The following USP43 variants were observed in gnomAD, a reference collection of about 807,000 sequenced individuals.
USP43 encodes ubiquitin specific peptidase 43.
Under a neutral mutation model 90.7 loss-of-function variants are expected in USP43, and 33 were observed. The ratio of observed to expected loss-of-function variants is 0.36; its 90% CI spans 0.28 to 0.49. USP43 has a LOEUF of 0.49. Among genes scored for constraint, USP43 ranks in the 20% least tolerant of loss-of-function variants. The probability of loss-of-function intolerance (pLI) is 0.98; values close to 1 mark genes in which losing one functional copy is unlikely to be tolerated. For synonymous variants in USP43, 598 were observed against 615.8 expected (o/e 0.97, Z 0.43); for missense variants, 1,274 against 1,476.4 (o/e 0.86, Z 2.25).
intron 7 of USP43, 85 bp downstream of exon 7, chr17:9,683,043 A>G: frequency 2.0e-6 from 3 of 1,501,806 alleles, no homozygotes; most frequent in Non-Finnish European, 2.7e-6. Flanking sequence ...AAAATTAAAC[A>G]TTTATTCCCA....
Position 9,656,496 on chromosome 17 carries a change from G to A in USP43, c.598G>A (p.Asp200Asn), listed in dbSNP as rs1912259661. 1 of 1,611,100 alleles carries A rather than the reference G, an allele frequency of 6.2e-7. No individual in the cohort carries two copies. Among genetic ancestry groups the A allele is most frequent in the Non-Finnish European group, 8.5e-7 (1 of 1,178,802 alleles). Residue 200 changes from aspartate (D) to asparagine (N), a missense_variant, in exon 2 of 15, where the codon GAC becomes AAC. Coordinates refer to ENST00000285199, the MANE Select transcript of USP43 (RefSeq NM_153210.5). Reference sequence around the variant, plus strand: ...CTGGTTGCTGGATCGTGTACATGAGGACCTGGAGGGTTCATCCCGAGGGCC... The same window carrying A: ...CTGGTTGCTGGATCGTGTACATGAGAACCTGGAGGGTTCATCCCGAGGGCC... ...LLWLLDRVHE[D>N]LEGSSRGPVS...
In USP43 at chr17:9,676,887, A is replaced by T. The variant is rs1188617560; in HGVS notation, c.969+6A>T. ...GAGGCGTCCCTGCAGATGAGGTGTG[A>T]TAGAATTGCACTGGGGCCTGGTCAT... is the stretch of plus-strand genomic sequence containing the variant. On this transcript the variant is annotated splice_donor_region_variant and intron_variant, in intron 5 of 14. Coordinates refer to ENST00000285199, the MANE Select transcript of USP43 (RefSeq NM_153210.5). 6.2e-7 allele frequency: 1 copy of T among 1,612,946 alleles called. No individual in the cohort carries two copies. Among genetic ancestry groups the T allele is most frequent in the South Asian group, 1.1e-5 (1 of 90,904 alleles).
rs768000724 is a variant in USP43 at position 9,728,282 on chromosome 17, C to T, written c.2664C>T (p.Ala888=). 5.1e-5 allele frequency: 83 copies of T among 1,613,274 alleles called. No homozygotes were observed. Among genetic ancestry groups the T allele is most frequent in the East Asian group, 1.3e-4 (6 of 44,864 alleles). ...GGCGGGCCATTGAAAGAGGTCCAGC[C>T]GGGGTGCCCTGTCCCTCGGCTCAAC... is the stretch of plus-strand genomic sequence containing the variant. ...DGGRAIERGP[A]GVPCPSAQPN... The change falls in exon 15 of 15, where the codon GCC becomes GCT. Residue 888 remains alanine (A), a synonymous_variant. Transcript: ENST00000285199. The surrounding 1 kb of genome is among the most constrained non-coding windows in gnomAD (Gnocchi z 6.2).
Position 9,728,599 on chromosome 17 carries a change from G to A in USP43, c.2981G>A (p.Gly994Glu). ...TCTGAGCTAGACAGACCCCTGCAGG[G>A]GACACTCACCCTTCTGAGGTCCGTG... The part of the protein sequence containing the change: ...GTSELDRPLQ[G>E]TLTLLRSVFR... Residue 994 changes from glycine (G) to glutamate (E), a missense_variant, in exon 15 of 15, where the codon GGG becomes GAG. Around this residue, in one of 6 missense-constraint regions of USP43, gnomAD observed 353 missense variants for 329.7 expected, o/e 1.07. Transcript: ENST00000285199. The surrounding 1 kb of genome is among the most constrained non-coding windows in gnomAD (Gnocchi z 6.2). 6.2e-7 allele frequency: 1 copy of A among 1,613,882 alleles called. No homozygotes were observed. Among genetic ancestry groups the A allele is most frequent in the East Asian group, 2.2e-5 (1 of 44,868 alleles).
At chr17:9,689,207 C>G (rs1914780081) in intron 8 of USP43, among the ~76,000 whole-genome samples, 1 of 152,066 alleles carries the variant, frequency 6.6e-6, no homozygotes, top group Non-Finnish European at 1.5e-5. Context: ...ATATTAAATA[C>G]TGGTTCAAAT....
At chr17:9,669,691 G>A (rs948039041) in intron 3 of USP43, 7 of 152,272 alleles carry the variant, frequency 4.6e-5, no homozygotes, top group East Asian at 1.9e-4. Flanking sequence ...TCCATAAGGC[G>A]GGCAGGGACT....
chr17:9,686,134 A>T lies in USP43; in HGVS notation c.1242-664A>T, dbSNP rs1914587091. 6.6e-6 allele frequency among the ~76,000 whole-genome samples: 1 copy of T among 152,070 alleles called. No homozygotes were observed. Among genetic ancestry groups the T allele is most frequent in the African/African-American group, 2.4e-5 (1 of 41,400 alleles). ...CATCCATCTTGCCGCAAACAACAGG[A>T]TTTCATTTCTTTTTTATGGGTGCAT... is the stretch of plus-strand genomic sequence containing the variant. On this transcript the variant is annotated intron_variant, in intron 7 of 14. Transcript: ENST00000285199. The surrounding 1 kb of genome is among the most constrained non-coding windows in gnomAD (Gnocchi z 5.5).
Position 9,645,869 on chromosome 17 carries a change from C to A in USP43, c.237C>A (p.Arg79=). The A allele has an allele frequency of 7.0e-7, 1 of 1,424,750 alleles. No individual in the cohort carries two copies. Among genetic ancestry groups the A allele is most frequent in the Non-Finnish European group, 9.1e-7 (1 of 1,095,696 alleles). 88.3% of individuals were successfully genotyped at this position (1,424,750 alleles called of 1,614,324 possible). Residue 79 remains arginine (R), a synonymous_variant, in exon 1 of 15, where the codon CGC becomes CGA. Coordinates refer to ENST00000285199, the MANE Select transcript of USP43 (RefSeq NM_153210.5). The surrounding 1 kb of genome is among the most constrained non-coding windows in gnomAD (Gnocchi z 6.8). ...PAAPGSPGEE[R]PPGPQPQLQL... ...CCCCCGGGAGCCCCGGGGAGGAACG[C>A]CCGCCCGGACCCCAGCCCCAGCTCC...
At chr17:9,669,501 C>T (rs9905240) in intron 3 of USP43, among the ~76,000 whole-genome samples, 2,842 of 152,266 alleles carry the variant, frequency 0.019, 74 homozygotes, top group African/African-American at 0.056. Context: ...ATATTTCATT[C>T]ATGCCCTACT....
rs564850116 is a variant in USP43 at position 9,645,607 on chromosome 17, C to T, written c.-26C>T. On this transcript the variant is annotated 5_prime_UTR_variant, in exon 1 of 15. Coordinates refer to ENST00000285199, the MANE Select transcript of USP43 (RefSeq NM_153210.5). This position sits in a 1 kb window ranked among gnomAD's most constrained non-coding sequence, Gnocchi z 6.8. ...GTCCGCCTCGCGCCCGGGGGCTCCG[C>T]GCCTGGAGCTGCGCCGGCGGCAGCC... is the stretch of plus-strand genomic sequence containing the variant. 1.7e-6 allele frequency: 2 copies of T among 1,187,908 alleles called. No homozygotes were observed. Among genetic ancestry groups the T allele is most frequent in the South Asian group, 4.2e-5 (1 of 23,858 alleles). The allele number at this position is 1,187,908 out of a possible 1,614,324, so 73.6% of individuals were successfully genotyped here. A position where few individuals can be genotyped will look rare whatever the true frequency, so the allele number is the denominator to read the frequency against.
rs777237016 is a variant in USP43 at position 9,686,927 on chromosome 17, G to C, written c.1353+18G>C. On this transcript the variant is annotated intron_variant, in intron 8 of 14. Coordinates refer to ENST00000285199, the MANE Select transcript of USP43 (RefSeq NM_153210.5). This position sits in a 1 kb window ranked among gnomAD's most constrained non-coding sequence, Gnocchi z 5.5. ...CTGTACAGGTCAGTGGTGTGCATGC[G>C]TGTGTGTGTGTGTGCGTGCATGCGC... 2 of 1,212,190 alleles carry C rather than the reference G, an allele frequency of 1.6e-6. No homozygotes were observed. The highest frequency in any genetic ancestry group is 3.2e-5 in the East Asian group (1 of 31,504). 75.1% of individuals were successfully genotyped at this position (1,212,190 alleles called of 1,614,324 possible).
chr17:9,649,547 G>C (rs1030480794), intron 1 of USP43, among the ~76,000 whole-genome samples: 2 of 151,778 alleles, frequency 1.3e-5, no homozygotes, highest in Admixed American at 1.3e-4. Context: ...TCCTTCTGCG[G>C]TTCTCAGTGT....
At chr17:9,700,095 G>A in intron 9 of USP43, 77 bp from the exon 10 acceptor site, 1 of 1,354,214 alleles carries the variant, frequency 7.4e-7, no homozygotes, top group South Asian at 1.3e-5. Flanking sequence ...TGGGTTGTGG[G>A]GGAGACTGCT....
intron 12 of USP43, among the ~76,000 whole-genome samples, chr17:9,702,976 C>G (rs555476141): frequency 6.6e-6 from 1 of 152,312 alleles, no homozygotes; most frequent in Non-Finnish European, 1.5e-5. Context: ...TTTCAGCTGA[C>G]AGTGGCCGCC....
At chr17:9,727,080 C>T (rs1182561727) in intron 14 of USP43, among the ~76,000 whole-genome samples, 1 of 152,048 alleles carries the variant, frequency 6.6e-6, no homozygotes, top group East Asian at 1.9e-4. Context: ...TCAAGTGATT[C>T]TCCTGCCTCA....
Position 9,701,014 on chromosome 17 carries a change from G to A in USP43, c.1536-105G>A. The A allele has an allele frequency of 7.3e-7, 1 of 1,371,176 alleles. No individual in the cohort carries two copies. The highest frequency in any genetic ancestry group is 2.0e-5 in the South Asian group (1 of 50,944). 84.9% of individuals were successfully genotyped at this position (1,371,176 alleles called of 1,614,324 possible). On this transcript the variant is annotated intron_variant, in intron 10 of 14. Transcript: ENST00000285199. This position sits in a 1 kb window ranked among gnomAD's most constrained non-coding sequence, Gnocchi z 7.2. ...ACCCATAGGCAGGGCACGGTAGTGTGGCCTGGCCAATGTCTGCTGACGGGT... is the reference window on the plus strand; with the variant it reads ...ACCCATAGGCAGGGCACGGTAGTGTAGCCTGGCCAATGTCTGCTGACGGGT...
Position 9,709,014 on chromosome 17 carries a change from C to T in USP43, c.2012-942C>T, listed in dbSNP as rs963923417. ...GTGGGAGAAAGACACGCAGAATATG[C>T]GACAGAGAATATATGTGGCCATATG... is the stretch of plus-strand genomic sequence containing the variant. On this transcript the variant is annotated intron_variant, in intron 12 of 14. Coordinates refer to ENST00000285199, the MANE Select transcript of USP43 (RefSeq NM_153210.5). This position sits in a 1 kb window ranked among gnomAD's most constrained non-coding sequence, Gnocchi z 5.0. 6.6e-5 allele frequency among the ~76,000 whole-genome samples: 10 copies of T among 152,002 alleles called. No individual in the cohort carries two copies. Among genetic ancestry groups the T allele is most frequent in the Non-Finnish European group, 1.5e-4 (10 of 68,022 alleles).
In USP43 at chr17:9,728,533, T is replaced by A. The variant is rs1295682036; in HGVS notation, c.2915T>A (p.Met972Lys). ...AAAAGCAGCCCACCCTCCCCCTATA[T>A]GGGATTCTCTGGAAACAGCAAAGAC... ...GSKSSPPSPYMGFSGNSKDSR... is the reference protein window; with the variant it reads ...GSKSSPPSPYKGFSGNSKDSR... Residue 972 changes from methionine (M) to lysine (K), a missense_variant, in exon 15 of 15, where the codon ATG (methionine) becomes AAG (lysine). Physicochemically the swap from Met to Lys is moderately conservative, Grantham distance 95. Coordinates refer to ENST00000285199, the MANE Select transcript of USP43 (RefSeq NM_153210.5). The surrounding 1 kb of genome is among the most constrained non-coding windows in gnomAD (Gnocchi z 6.2). 3.1e-6 allele frequency: 5 copies of A among 1,613,716 alleles called. No individual in the cohort carries two copies. Among genetic ancestry groups the A allele is most frequent in the Non-Finnish European group, 4.2e-6 (5 of 1,179,872 alleles).
intron 3 of USP43, among the ~76,000 whole-genome samples, chr17:9,670,587 G>A (rs2151970047): frequency 6.6e-6 from 1 of 152,288 alleles, no homozygotes; most frequent in East Asian, 1.9e-4. Flanking sequence ...GGAACTAAGG[G>A]AGAGGTGAGA....
Sources: allele counts gnomAD v4.1 joint callset (sites outside exome capture counted in the v4.1 genomes callset), GRCh38; gene constraint gnomAD v4.1.1; regional missense constraint gnomAD v4.1.1; non-coding constraint Gnocchi (gnomAD v3.1); transcripts MANE v1.5; gene names NCBI Gene and HGNC (gene_info 2026-07-23, HGNC 2026-07-21).